The following NTM variants were observed in gnomAD, a reference collection of about 807,000 sequenced individuals.
NTM encodes the protein neurotrimin.
A neutral mutation model predicts 42.1 loss-of-function variants in NTM; 13 were observed. That is an observed-to-expected ratio of 0.31 (90% CI 0.20 to 0.49). The LOEUF (loss-of-function observed/expected upper bound fraction) is 0.49. NTM is among the 20% of genes least tolerant of loss of function. NTM has a pLI of 0.99. For missense variants in NTM, 373 were observed against 452.8 expected (o/e 0.82, Z 1.60); for synonymous variants, 187 against 179.2 (o/e 1.04, Z -0.35).
chr11:132,122,020 A>G (rs999576285), intron 2 of NTM, among the ~76,000 whole-genome samples: 2 of 152,180 alleles, frequency 1.3e-5, no homozygotes, highest in Non-Finnish European at 2.9e-5. Context: ...CTCCACCTCT[A>G]TGCATGAAAC....
chr11:131,595,552 T>C (rs1449232469), intron 1 of NTM, among the ~76,000 whole-genome samples: 1 of 152,190 alleles, frequency 6.6e-6, no homozygotes, highest in Non-Finnish European at 1.5e-5. Flanking sequence ...TTCCCCCTTA[T>C]TCTAAAACAC....
chr11:131,752,414 A>T (rs541409389), intron 1 of NTM, among the ~76,000 whole-genome samples: 2 of 152,356 alleles, frequency 1.3e-5, no homozygotes, highest in South Asian at 2.1e-4. Flanking sequence ...GATGTGGAGA[A>T]ATAGGAACAC....
chr11:131,397,188 A>T (rs1944659212), intron 1 of NTM, among the ~76,000 whole-genome samples: 2 of 152,014 alleles, frequency 1.3e-5, no homozygotes, highest in Non-Finnish European at 2.9e-5. Flanking sequence ...TTCATTTTTG[A>T]CTCACTGTCT....
intron 3 of NTM, among the ~76,000 whole-genome samples, chr11:132,150,850 A>C (rs2071736605): frequency 6.6e-6 from 1 of 152,198 alleles, no homozygotes; most frequent in South Asian, 2.1e-4. Flanking sequence ...TAAAGATCAC[A>C]TGGCAAAACT....
chr11:131,667,336 C>G (rs533273016), intron 1 of NTM, among the ~76,000 whole-genome samples: 1 of 152,308 alleles, frequency 6.6e-6, no homozygotes, highest in East Asian at 1.9e-4. Context: ...TCTGATCCCT[C>G]TGTTACTGGG....
At chr11:131,781,097 GAA>G (rs2088019602) in intron 1 of NTM, among the ~76,000 whole-genome samples, 1 of 151,930 alleles carries the variant, frequency 6.6e-6, no homozygotes, top group Non-Finnish European at 1.5e-5. Flanking sequence ...AGATAAAATA[GAA>G]AATGATGTAA....
intron 1 of NTM, among the ~76,000 whole-genome samples, chr11:131,739,041 A>G (rs2080848375): frequency 6.6e-6 from 1 of 152,074 alleles, no homozygotes; most frequent in Non-Finnish European, 1.5e-5. Context: ...TAATTTTTCC[A>G]TCTGCCAAGT....
At chr11:132,014,311 G>A (rs183804443) in intron 2 of NTM, among the ~76,000 whole-genome samples, 3 of 152,176 alleles carry the variant, frequency 2.0e-5, no homozygotes, top group Admixed American at 1.3e-4. Context: ...CAGTTAGGTT[G>A]GTTCCACATC....
At chr11:131,888,908 A>G (rs937163160) in intron 1 of NTM, among the ~76,000 whole-genome samples, 1 of 143,780 alleles carries the variant, frequency 7.0e-6, no homozygotes, top group Non-Finnish European at 1.5e-5. Flanking sequence ...ATTCCTCTTT[A>G]TTTTTTTTTT....
At chr11:131,485,512 C>A (rs764019304) in intron 1 of NTM, among the ~76,000 whole-genome samples, 11 of 152,140 alleles carry the variant, frequency 7.2e-5, no homozygotes, top group Non-Finnish European at 1.3e-4. Context: ...GTGCAATGTC[C>A]CAGAGCCCCT....
At chr11:131,799,249 G>T (rs996473096) in intron 1 of NTM, among the ~76,000 whole-genome samples, 7 of 152,040 alleles carry the variant, frequency 4.6e-5, no homozygotes, top group Admixed American at 6.5e-5. Flanking sequence ...TCCATCCTTA[G>T]AGTGTGTACT....
chr11:131,441,700 C>T (rs775202381), intron 1 of NTM, among the ~76,000 whole-genome samples: 9 of 152,218 alleles, frequency 5.9e-5, no homozygotes, highest in Non-Finnish European at 1.0e-4. Context: ...AGCCCAGCCA[C>T]AGCTAAATTT....
At chr11:131,615,499 G>A (rs1467979246) in intron 1 of NTM, among the ~76,000 whole-genome samples, 1 of 152,066 alleles carries the variant, frequency 6.6e-6, no homozygotes, top group East Asian at 1.9e-4. Flanking sequence ...TTGAGTAGCT[G>A]GGATTACAGG....
intron 2 of NTM, among the ~76,000 whole-genome samples, chr11:131,953,324 A>G (rs1045494111): frequency 1.3e-5 from 2 of 152,144 alleles, no homozygotes; most frequent in African/African-American, 4.8e-5. Flanking sequence ...ATTGAGATCT[A>G]TCCTCCTGGT....
At chr11:131,429,601 G>A (rs1425495402) in intron 1 of NTM, among the ~76,000 whole-genome samples, 1 of 152,144 alleles carries the variant, frequency 6.6e-6, no homozygotes, top group Non-Finnish European at 1.5e-5. Context: ...GGAAACAAAT[G>A]AAAATATTGG....
At chr11:131,716,814 G>A (rs1397271979) in intron 1 of NTM, among the ~76,000 whole-genome samples, 1 of 151,978 alleles carries the variant, frequency 6.6e-6, no homozygotes. Context: ...ATGCTAATAC[G>A]ATACTGTTGA....
chr11:131,838,777 CA>C (rs1418733219), intron 1 of NTM, among the ~76,000 whole-genome samples: 2 of 151,758 alleles, frequency 1.3e-5, no homozygotes, highest in African/African-American at 2.4e-5. Context: ...AATAAGAATA[CA>C]AAAAAACATT....
At chr11:131,455,934 G>A (rs577235072) in intron 1 of NTM, among the ~76,000 whole-genome samples, 16 of 152,210 alleles carry the variant, frequency 1.1e-4, no homozygotes, top group South Asian at 6.2e-4. Context: ...TATGTCTGAT[G>A]AACAAAGAGA....
At chr11:132,029,876 A>C (rs1441069293) in intron 2 of NTM, among the ~76,000 whole-genome samples, 1 of 152,156 alleles carries the variant, frequency 6.6e-6, no homozygotes, top group East Asian at 1.9e-4. Context: ...CTTCATTACC[A>C]GTCCTCGTGT....
Sources: gnomAD v4.1 joint callset for allele counts (sites outside exome capture counted in the v4.1 genomes callset) on GRCh38, gnomAD v4.1.1 for gene constraint, MANE v1.5 for transcripts, NCBI Gene and HGNC (gene_info 2026-07-23, HGNC 2026-07-21) for gene names.